The following NEBL variants were observed in gnomAD, a reference collection of about 807,000 sequenced individuals.
NEBL encodes the protein nebulette, also known as LIM and SH3 protein 2.
A neutral mutation model predicts 140.2 loss-of-function variants in NEBL; 122 were observed. That is an observed-to-expected ratio of 0.87 (90% confidence interval 0.75 to 1.01). The LOEUF (loss-of-function observed/expected upper bound fraction) is 1.01, where lower values mean the gene tolerates loss of function less well. Ranked by LOEUF, NEBL falls within the 50% of genes least tolerant of loss-of-function variation. The probability of loss-of-function intolerance (pLI) is 0.00; values close to 1 mark genes in which losing one functional copy is unlikely to be tolerated. For missense variants in NEBL, 1,365 were observed against 1,231.3 expected (o/e 1.11, Z -1.62); for synonymous variants, 436 against 398.9 (o/e 1.09, Z -1.11).
chr10:21,086,051 T>C (rs1216368249), intron 2 of NEBL, among the ~76,000 whole-genome samples: 4 of 152,132 alleles, frequency 2.6e-5, no homozygotes, highest in Admixed American at 2.0e-4. Context: ...TCCATAAATA[T>C]GTGTGTTTTC....
intron 4 of NEBL, among the ~76,000 whole-genome samples, chr10:20,957,668 C>G (rs1206847103): frequency 2.6e-5 from 4 of 152,092 alleles, no homozygotes; most frequent in African/African-American, 2.4e-5. Context: ...ACAAGCAAAA[C>G]TATTTTCTCC....
At chr10:20,858,804 A>T (rs2131137430) in intron 8 of NEBL, among the ~76,000 whole-genome samples, 1 of 152,320 alleles carries the variant, frequency 6.6e-6, no homozygotes, top group East Asian at 1.9e-4. Flanking sequence ...CATATCACAC[A>T]CTTACTATGT....
intron 2 of NEBL, among the ~76,000 whole-genome samples, chr10:21,033,117 G>A (rs1833864999): frequency 6.6e-6 from 1 of 152,138 alleles, no homozygotes; most frequent in Admixed American, 6.5e-5. Flanking sequence ...ACACAAACAA[G>A]GAAATGTGTG....
intron 3 of NEBL, among the ~76,000 whole-genome samples, chr10:21,228,010 C>T (rs377038458): frequency 1.3e-5 from 2 of 151,882 alleles, no homozygotes; most frequent in African/African-American, 4.8e-5. Context: ...ATTTTGAGAA[C>T]CAGAATTAGA....
At chr10:20,831,614 C>T (rs1287244933) in intron 14 of NEBL, 31 bp from the exon 15 acceptor site, 1 of 1,418,684 alleles carries the variant, frequency 7.0e-7, no homozygotes, top group Non-Finnish European at 1.0e-6. Context: ...AGTTAGTGCT[C>T]TCCAATCATT....
Position 21,173,105 on chromosome 10 carries a change from T to A in NEBL, c.70-628A>T, listed in dbSNP as rs1841154086. Reference sequence around the variant, plus strand: ...TCCGGATCGCTCCTGGGTGTCTCTCTCCCGGGCTGTTCATCTCCGTCCCTG... The same window carrying A: ...TCCGGATCGCTCCTGGGTGTCTCTCACCCGGGCTGTTCATCTCCGTCCCTG... On this transcript the variant is annotated intron_variant, in intron 1 of 6. Transcript: ENST00000417816. The surrounding 1 kb of genome is among the most constrained non-coding windows in gnomAD (Gnocchi z 5.7). 6.6e-6 allele frequency among the ~76,000 whole-genome samples: 1 copy of A among 152,094 alleles called. No individual in the cohort carries two copies. The highest frequency in any genetic ancestry group is 1.5e-5 in the Non-Finnish European group (1 of 68,014).
rs1046259205 is a variant in NEBL, at chr10:20,835,762, C to A, written c.1339-139G>T. 8 of 708,748 alleles carry A rather than the reference C, an allele frequency of 1.1e-5. No individual in the cohort carries two copies. The African/African-American group carries it at 1.4e-4, about 12-fold the overall frequency. 43.9% of individuals were successfully genotyped at this position (708,748 alleles called of 1,614,324 possible). On this transcript the variant is annotated intron_variant, in intron 13 of 27. Coordinates refer to ENST00000377122, the MANE Select transcript of NEBL (RefSeq NM_006393.3). ...GCTCCTTGAGTACTATGAATGATCA[C>A]TCACAACTAACTTCTGAACTGCTTA...
chr10:21,005,575 T>TAAAA (rs1306877670), intron 3 of NEBL, among the ~76,000 whole-genome samples: 1 of 151,880 alleles, frequency 6.6e-6, no homozygotes, highest in African/African-American at 2.4e-5. Flanking sequence ...TCTTTTCAAA[T>TAAAA]AAAATAAAAT....
At chr10:21,032,991 G>A (rs767426371) in intron 2 of NEBL, among the ~76,000 whole-genome samples, 26 of 152,158 alleles carry the variant, frequency 1.7e-4, no homozygotes, top group Non-Finnish European at 3.2e-4. Flanking sequence ...GAATTATGGT[G>A]TAAAAGGTGA....
At chr10:21,124,209 T>C (rs1322723772) in intron 2 of NEBL, among the ~76,000 whole-genome samples, 1 of 151,956 alleles carries the variant, frequency 6.6e-6, no homozygotes, top group Non-Finnish European at 1.5e-5. Context: ...AATGAAGGAG[T>C]AGGAGGAGGT....
At chr10:20,961,644 T>G (rs1230309974) in intron 4 of NEBL, 1 of 1,456,158 alleles carries the variant, frequency 6.9e-7, no homozygotes. Flanking sequence ...ATCAGAGCCA[T>G]CATGCTATTG....
intron 1 of NEBL, among the ~76,000 whole-genome samples, chr10:21,263,108 A>G (rs1320284125): frequency 1.3e-5 from 2 of 152,198 alleles, no homozygotes; most frequent in African/African-American, 2.4e-5. Flanking sequence ...AATAATCACA[A>G]TGGCAACAGC....
chr10:20,926,539 A>T (rs1040775973), intron 4 of NEBL, among the ~76,000 whole-genome samples: 3 of 152,210 alleles, frequency 2.0e-5, no homozygotes, highest in African/African-American at 7.2e-5. Flanking sequence ...CAAGTATGAG[A>T]TATCGTATTC....
At chr10:20,899,940 G>C (rs1847784624), upstream of NEBL, among the ~76,000 whole-genome samples, 2 of 152,062 alleles carry the variant, frequency 1.3e-5, no homozygotes, top group South Asian at 4.1e-4. Context: ...TTCATGCAAA[G>C]TTTTCTCTAA....
intron 26 of NEBL, among the ~76,000 whole-genome samples, chr10:20,790,948 A>T (rs760748678): frequency 3.9e-5 from 6 of 152,208 alleles, no homozygotes; most frequent in Non-Finnish European, 7.3e-5. Flanking sequence ...AAAGAGTAAA[A>T]GCATAGTGCC....
intron 2 of NEBL, chr10:21,125,714 CT>C (rs1467404313): frequency 1.3e-6 from 1 of 769,412 alleles, no homozygotes; most frequent in Non-Finnish European, 2.2e-6. Context: ...CCCTACAGAG[CT>C]GCCTTTGAAG....
rs561489892 is a variant in NEBL at position 21,030,548 on chromosome 10, C to G, written c.165-10347G>C. 929 of 764,794 alleles carry G rather than the reference C, an allele frequency of 1.2e-3. 11 individuals carry two copies. In the Admixed American group the frequency reaches 0.016, roughly 13 times the overall value. 47.4% of individuals were successfully genotyped at this position (764,794 alleles called of 1,614,324 possible). The stretch of plus-strand genomic sequence containing the variant: ...TGAGGTTCTAACCCTCCTGCTCCAT[C>G]TCAGAGCTCAGACACACAGCACGAA... On this transcript the variant is annotated intron_variant, in intron 2 of 6. Transcript: ENST00000417816.
chr10:20,823,425 C>A, intron 18 of NEBL, 125 bp from the exon 19 acceptor site: 1 of 674,890 alleles, frequency 1.5e-6, no homozygotes, highest in Non-Finnish European at 2.4e-6. Context: ...TTTTCCTTCA[C>A]TGGGGACATA....
At chr10:20,893,637 A>G (rs1384864747) in intron 2 of NEBL, among the ~76,000 whole-genome samples, 1 of 152,202 alleles carries the variant, frequency 6.6e-6, no homozygotes, top group Non-Finnish European at 1.5e-5. Flanking sequence ...GCTGATCTCT[A>G]GGCCAATCTT....
Sources: gnomAD v4.1 joint callset for allele counts (sites outside exome capture counted in the v4.1 genomes callset) on GRCh38, gnomAD v4.1.1 for gene constraint, Gnocchi (gnomAD v3.1) non-coding constraint, MANE v1.5 for transcripts, NCBI Gene and HGNC (gene_info 2026-07-23, HGNC 2026-07-21) for gene names.